The following ADAMTS6 variants were observed in gnomAD, a reference collection of about 807,000 sequenced individuals.
The protein encoded by ADAMTS6 is A disintegrin and metalloproteinase with thrombospondin motifs 6.
A neutral mutation model predicts 144.3 loss-of-function variants in ADAMTS6; 23 were observed. The ratio of observed to expected loss-of-function variants is 0.16; its 90% confidence interval spans 0.11 to 0.23. The LOEUF (loss-of-function observed/expected upper bound fraction) is 0.23, where lower values mean the gene tolerates loss of function less well. ADAMTS6 is among the 10% of genes least tolerant of loss of function. The pLI, the probability that ADAMTS6 is intolerant of heterozygous loss-of-function variation, is 1.00. For synonymous variants in ADAMTS6, 444 were observed against 457.5 expected (o/e 0.97, Z 0.38); for missense variants, 999 against 1,379.6 (o/e 0.72, Z 4.37).
chr5:65,223,907 T>C (rs1044207804), intron 18 of ADAMTS6, among the ~76,000 whole-genome samples: 4 of 151,776 alleles, frequency 2.6e-5, no homozygotes, highest in African/African-American at 9.7e-5. Flanking sequence ...TCACGTCATT[T>C]TCCTGCCTCA....
intron 7 of ADAMTS6, among the ~76,000 whole-genome samples, chr5:65,394,934 T>C (rs751066674): frequency 5.3e-5 from 8 of 152,170 alleles, no homozygotes; most frequent in Non-Finnish European, 1.0e-4. Flanking sequence ...TATGATCTTA[T>C]AAATAATCCT....
chr5:65,283,785 T>C (rs934766796), intron 11 of ADAMTS6, among the ~76,000 whole-genome samples: 2 of 152,140 alleles, frequency 1.3e-5, no homozygotes, highest in African/African-American at 4.8e-5. Flanking sequence ...AACTTGAAAT[T>C]CTTCCTAATA....
At chr5:65,396,765 C>T (rs1008411804) in intron 7 of ADAMTS6, among the ~76,000 whole-genome samples, 13 of 152,272 alleles carry the variant, frequency 8.5e-5, no homozygotes, top group Admixed American at 5.9e-4. Context: ...AGAATGTTTG[C>T]ATCTATGCTC....
chr5:65,218,397 A>G (rs1199309415), intron 18 of ADAMTS6, among the ~76,000 whole-genome samples: 1 of 152,228 alleles, frequency 6.6e-6, no homozygotes, highest in African/African-American at 2.4e-5. Flanking sequence ...CAGGCTCTCA[A>G]CAAAGAAACA....
chr5:65,473,686 T>G lies in ADAMTS6; in HGVS notation c.-13A>C. 2 of 1,607,738 alleles carry G rather than the reference T, an allele frequency of 1.2e-6. No homozygotes were observed. The highest frequency in any genetic ancestry group is 3.3e-5 in the Admixed American group (2 of 59,982). On this transcript the variant is annotated 5_prime_UTR_variant, in exon 2 of 25. Transcript: ENST00000381055. ...ACAAAATTTCCATAATTTAGAAAAC[T>G]GGATGATTTTTTTGAGGGCTACCTA...
At chr5:65,277,575 T>C (rs1053912080) in intron 11 of ADAMTS6, among the ~76,000 whole-genome samples, 24 of 151,606 alleles carry the variant, frequency 1.6e-4, no homozygotes, top group South Asian at 1.0e-3. Context: ...TTTTTTTTTT[T>C]CCATAAAACT....
chr5:65,397,352 T>G (rs1241483982), intron 7 of ADAMTS6, among the ~76,000 whole-genome samples: 1 of 152,134 alleles, frequency 6.6e-6, no homozygotes, highest in African/African-American at 2.4e-5. Context: ...TTTCTTCTGC[T>G]TACTTTGAGT....
intron 7 of ADAMTS6, among the ~76,000 whole-genome samples, chr5:65,445,394 G>A (rs553911062): frequency 6.6e-6 from 1 of 152,250 alleles, no homozygotes; most frequent in Admixed American, 6.5e-5. Context: ...CTGGAGTGCA[G>A]TGGTGCAATC....
rs1561574549 is a variant in ADAMTS6 at position 65,471,081 on chromosome 5, A to G, written c.159T>C (p.Asn53=). The G allele has an allele frequency of 6.2e-7, 1 of 1,610,788 alleles. No homozygotes were observed. The highest frequency in any genetic ancestry group is 1.3e-5 in the African/African-American group (1 of 74,666). Residue 53 remains asparagine (N), a synonymous_variant, in exon 3 of 25, where the codon AAT becomes AAC. Transcript: ENST00000381055. ...QLTIPIRVDQ[N]GAFLSFTVKN... ...TCACAGTAAAGCTGAGAAATGCTCC[A>G]TTTTGATCAACCCTTATTGGAATAG...
chr5:65,451,238 A>G, intron 7 of ADAMTS6: 2 of 411,334 alleles, frequency 4.9e-6, no homozygotes, highest in Non-Finnish European at 8.5e-6. Context: ...TATCAGTAGG[A>G]GGAAAGTTAT....
chr5:65,303,929 A>C (rs1743689214), intron 9 of ADAMTS6, among the ~76,000 whole-genome samples: 1 of 152,192 alleles, frequency 6.6e-6, no homozygotes, highest in Admixed American at 6.5e-5. Context: ...TTAGTCATAA[A>C]AAGAAAAATT....
chr5:65,230,744 TATGTATGAAATATATATATAAC>T (rs1359782837), intron 15 of ADAMTS6, among the ~76,000 whole-genome samples: 7 of 101,286 alleles, frequency 6.9e-5, no homozygotes, highest in African/African-American at 2.8e-4. Flanking sequence ...ATATAACACA[TATGTATGAAATATATATATAAC>T]ACATATGTAT....
intron 7 of ADAMTS6, among the ~76,000 whole-genome samples, chr5:65,357,999 A>T (rs114314907): frequency 1.9e-3 from 294 of 152,082 alleles, no homozygotes; most frequent in African/African-American, 6.7e-3. Flanking sequence ...GTATTATGGT[A>T]CCAAAGCCAG....
intron 7 of ADAMTS6, among the ~76,000 whole-genome samples, chr5:65,430,503 T>C (rs575858901): frequency 1.8e-4 from 28 of 152,268 alleles, no homozygotes; most frequent in African/African-American, 6.7e-4. Context: ...GGATTATTCT[T>C]TGGAGAAACT....
intron 7 of ADAMTS6, among the ~76,000 whole-genome samples, chr5:65,448,307 T>C (rs990674497): frequency 3.9e-5 from 6 of 152,270 alleles, no homozygotes; most frequent in African/African-American, 1.4e-4. Context: ...CAATAAGATA[T>C]AATTTGTAAA....
chr5:65,398,817 AAAGAAAGAAAGAAAGAAAG>A (rs1753635578), intron 7 of ADAMTS6, among the ~76,000 whole-genome samples: 1 of 133,146 alleles, frequency 7.5e-6, no homozygotes, highest in African/African-American at 3.6e-5. Context: ...AGAAAGAAAG[AAAGAAAGAAAGAAAGAAAG>A]AAAGAAAGAA....
chr5:65,470,928 T>C lies in ADAMTS6; in HGVS notation c.312A>G (p.Thr104=). 1 of 1,612,706 alleles carries C rather than the reference T, an allele frequency of 6.2e-7. No homozygotes were observed. Among genetic ancestry groups the C allele is most frequent in the Non-Finnish European group, 8.5e-7 (1 of 1,179,606 alleles). ...CTGTAAAATGTTTGGACACAAAATC[T>C]GTGTTGAGAGTCAAGTTTAGATGAA... ...KHFHLNLTLN[T]DFVSKHFTVE... The change falls in exon 3 of 25, where the codon ACA becomes ACG. Residue 104 remains threonine (T), a synonymous_variant. Coordinates refer to ENST00000381055, the MANE Select transcript of ADAMTS6 (RefSeq NM_197941.4).
chr5:65,162,992 C>A (rs147917190), intron 24 of ADAMTS6, among the ~76,000 whole-genome samples: 2,268 of 152,256 alleles, frequency 0.015, 28 homozygotes, highest in Non-Finnish European at 0.022. Context: ...TCACTGCAGC[C>A]TCAACTTCCT....
At chr5:65,211,798 T>C (rs1007754908) in intron 20 of ADAMTS6, among the ~76,000 whole-genome samples, 1 of 152,112 alleles carries the variant, frequency 6.6e-6, no homozygotes, top group African/African-American at 2.4e-5. Flanking sequence ...CACAAATATA[T>C]AATTGCCAAA....
Sources: gnomAD v4.1 joint callset for allele counts (sites outside exome capture counted in the v4.1 genomes callset) on GRCh38, gnomAD v4.1.1 for gene constraint, MANE v1.5 for transcripts, NCBI Gene and HGNC (gene_info 2026-07-23, HGNC 2026-07-21) for gene names.